PIGK: variants seen among roughly 807,000 people sequenced by gnomAD.
The protein encoded by PIGK is phosphatidylinositol glycan anchor biosynthesis class K.
A neutral mutation model predicts 50.6 loss-of-function variants in PIGK; 42 were observed. The ratio of observed to expected loss-of-function variants is 0.83; its 90% confidence interval spans 0.65 to 1.07. The LOEUF is 1.07. Among genes scored for constraint, PIGK ranks in the 50% least tolerant of loss-of-function variants. The pLI is 0.00. For synonymous variants in PIGK, 151 were observed against 156.0 expected (o/e 0.97, Z 0.24); for missense variants, 448 against 488.7 (o/e 0.92, Z 0.78).
At chr1:77,128,593 T>C (rs1442451359) in intron 9 of PIGK, among the ~76,000 whole-genome samples, 1 of 152,216 alleles carries the variant, frequency 6.6e-6, no homozygotes, top group Admixed American at 6.5e-5. Context: ...ACTATCTGTG[T>C]AGAGTCAAAG....
chr1:77,213,764 T>TA (rs1212476953), intron 1 of PIGK, among the ~76,000 whole-genome samples: 2 of 151,818 alleles, frequency 1.3e-5, no homozygotes, highest in Non-Finnish European at 2.9e-5. Flanking sequence ...GCTGGCTCTT[T>TA]AAAAAAATAA....
Position 77,173,744 on chromosome 1 carries a change from G to T in PIGK, c.240-4349C>A, listed in dbSNP as rs1440428865. 2.0e-5 allele frequency among the ~76,000 whole-genome samples: 3 copies of T among 152,182 alleles called. No homozygotes were observed. The South Asian group carries it at 6.2e-4, about 31-fold the overall frequency. On this transcript the variant is annotated intron_variant, in intron 3 of 10. Transcript: ENST00000370812. ...AGAGTACTTTAGGAATATAACATAG[G>T]CTTAGGACCCCATAAGCTCACTATT...
At chr1:77,166,664 CTTTT>C (rs1433066402) in intron 5 of PIGK, 51 bp downstream of exon 5, 1 of 860,230 alleles carries the variant, frequency 1.2e-6, no homozygotes, top group African/African-American at 1.7e-5. Flanking sequence ...ATTTGCCTTT[CTTTT>C]CAAAGAGTTT....
At chr1:77,124,711 G>A (rs1654188715) in intron 9 of PIGK, among the ~76,000 whole-genome samples, 1 of 151,552 alleles carries the variant, frequency 6.6e-6, no homozygotes, top group South Asian at 2.1e-4. Flanking sequence ...TGTTTCAAAG[G>A]ACACAATCAG....
At chr1:77,122,789 T>G (rs1654131743) in intron 9 of PIGK, among the ~76,000 whole-genome samples, 1 of 152,214 alleles carries the variant, frequency 6.6e-6, no homozygotes, top group Non-Finnish European at 1.5e-5. Context: ...CCATTGGGAC[T>G]TGCACCTCCA....
intron 3 of PIGK, among the ~76,000 whole-genome samples, chr1:77,185,591 A>G (rs1022459925): frequency 6.6e-6 from 1 of 152,078 alleles, no homozygotes; most frequent in African/African-American, 2.4e-5. Context: ...TTTTGGAGGC[A>G]ACACATTCCT....
chr1:77,181,954 G>T (rs1456130204), intron 3 of PIGK, among the ~76,000 whole-genome samples: 1 of 152,138 alleles, frequency 6.6e-6, no homozygotes, highest in East Asian at 1.9e-4. Context: ...ACAGATGCTT[G>T]ACCATCAAGA....
chr1:77,218,112 T>C (rs1469783996), intron 1 of PIGK, among the ~76,000 whole-genome samples: 1 of 152,060 alleles, frequency 6.6e-6, no homozygotes, highest in Non-Finnish European at 1.5e-5. Context: ...AAGTTTGGAG[T>C]CCACTGGTCT....
At chr1:77,202,145 T>C (rs1024209114) in intron 3 of PIGK, among the ~76,000 whole-genome samples, 1 of 152,072 alleles carries the variant, frequency 6.6e-6, no homozygotes, top group Non-Finnish European at 1.5e-5. Context: ...AGAATATAAG[T>C]AAATGGTATT....
At chr1:77,145,703 A>G (rs1206528868) in intron 9 of PIGK, among the ~76,000 whole-genome samples, 1 of 152,056 alleles carries the variant, frequency 6.6e-6, no homozygotes, top group African/African-American at 2.4e-5. Flanking sequence ...AAGCTGATTC[A>G]TAAACTTATA....
intron 1 of PIGK, among the ~76,000 whole-genome samples, chr1:77,213,167 C>T (rs926595808): frequency 1.3e-4 from 20 of 152,096 alleles, no homozygotes; most frequent in Non-Finnish European, 2.9e-4. Flanking sequence ...TCAAGTGATC[C>T]ACCCGCCTCA....
chr1:77,166,621 C>A, intron 5 of PIGK, 98 bp downstream of exon 5: 1 of 608,778 alleles, frequency 1.6e-6, no homozygotes, highest in Non-Finnish European at 2.9e-6. Context: ...CCATTTTAAC[C>A]AAAAATCATT....
intron 9 of PIGK, among the ~76,000 whole-genome samples, chr1:77,153,133 T>G (rs981921006): frequency 6.6e-6 from 1 of 152,040 alleles, no homozygotes; most frequent in African/African-American, 2.4e-5. Context: ...AACAGATTAA[T>G]GGAAAAGGAA....
intron 9 of PIGK, among the ~76,000 whole-genome samples, chr1:77,137,339 C>T (rs1654543173): frequency 1.3e-5 from 2 of 152,108 alleles, no homozygotes; most frequent in African/African-American, 4.8e-5. Context: ...CATTGTCAAC[C>T]CTCAGAATCA....
chr1:77,136,034 T>C (rs374460654), intron 9 of PIGK, among the ~76,000 whole-genome samples: 4 of 152,326 alleles, frequency 2.6e-5, no homozygotes, highest in African/African-American at 9.6e-5. Flanking sequence ...CATTTCCCTT[T>C]TTCAAAAAGT....
At chr1:77,096,011 G>A (rs150512316) in intron 10 of PIGK, among the ~76,000 whole-genome samples, 2 of 152,180 alleles carry the variant, frequency 1.3e-5, no homozygotes, top group East Asian at 3.9e-4. Flanking sequence ...AGGCAGAGAA[G>A]ATCTCCCTGA....
intron 10 of PIGK, among the ~76,000 whole-genome samples, chr1:77,098,727 G>A (rs920443164): frequency 6.6e-6 from 1 of 152,056 alleles, no homozygotes; most frequent in Non-Finnish European, 1.5e-5. Flanking sequence ...TGGAATTTAT[G>A]ACAGAAAAGG....
chr1:77,211,612 C>T (rs553196780), intron 1 of PIGK, among the ~76,000 whole-genome samples: 1 of 151,928 alleles, frequency 6.6e-6, no homozygotes, highest in East Asian at 1.9e-4. Context: ...TCAACAAAAA[C>T]AAAATTATCA....
At position 77,199,300 on chromosome 1, in the gene PIGK, A is replaced by T. The variant is rs558566187; in HGVS notation, c.239+7340T>A. On this transcript the variant is annotated intron_variant, in intron 3 of 10. Coordinates refer to ENST00000370812, the MANE Select transcript of PIGK (RefSeq NM_005482.3). ...CATGTAGAGTGGCAGATCAGCTGCC[A>T]ATATGTGAATAAAATGACAGATTGT... 5.0e-4 allele frequency among the ~76,000 whole-genome samples: 76 copies of T among 152,218 alleles called. 1 individual carries two copies. Among genetic ancestry groups the T allele is most frequent in the African/African-American group, 1.7e-3 (69 of 41,580 alleles).
Sources: gnomAD v4.1 joint callset for allele counts (sites outside exome capture counted in the v4.1 genomes callset) on GRCh38, gnomAD v4.1.1 for gene constraint, MANE v1.5 for transcripts, NCBI Gene and HGNC (gene_info 2026-07-23, HGNC 2026-07-21) for gene names.